NAV2: variants seen among roughly 807,000 people sequenced by gnomAD.
NAV2 encodes helicase, APC down-regulated 1.
NAV2 carries 54 observed loss-of-function variants against 223.2 expected under a neutral mutation model. The ratio of observed to expected loss-of-function variants is 0.24; its 90% CI spans 0.19 to 0.30. The LOEUF (loss-of-function observed/expected upper bound fraction) is 0.30, where lower values mean the gene tolerates loss of function less well. Among genes scored for constraint, NAV2 ranks in the 10% least tolerant of loss-of-function variants. The pLI is 1.00. For missense variants in NAV2, 2,806 were observed against 3,147.5 expected, an observed-to-expected ratio of 0.89 and a Z score of 2.60; for synonymous variants, 1,279 against 1,239.3, an observed-to-expected ratio of 1.03 and a Z score of -0.67.
chr11:20,063,618 G>A (rs1024218075), intron 20 of NAV2, among the ~76,000 whole-genome samples: 8 of 151,984 alleles, frequency 5.3e-5, no homozygotes, highest in Admixed American at 2.0e-4. Context: ...CAAGTGATCC[G>A]CCCATCTCAG....
chr11:19,737,785 T>C (rs923007042), intron 1 of NAV2, among the ~76,000 whole-genome samples: 1 of 152,186 alleles, frequency 6.6e-6, no homozygotes, highest in African/African-American at 2.4e-5. Context: ...CTATTACTAG[T>C]TATTATCTGA....
At chr11:19,689,927 G>A (rs559875271) in intron 1 of NAV2, among the ~76,000 whole-genome samples, 25 of 152,174 alleles carry the variant, frequency 1.6e-4, no homozygotes, top group Non-Finnish European at 3.1e-4. Context: ...AGAACCTAGA[G>A]TTTGGCCTTA....
intron 11 of NAV2, among the ~76,000 whole-genome samples, chr11:19,986,618 G>C (rs1437604215): frequency 6.6e-6 from 1 of 152,190 alleles, no homozygotes; most frequent in Non-Finnish European, 1.5e-5. Flanking sequence ...AACAGAGTGA[G>C]ACTCAGTCTC....
chr11:19,471,723 A>G (rs1233151199), intron 1 of NAV2, among the ~76,000 whole-genome samples: 1 of 152,224 alleles, frequency 6.6e-6, no homozygotes, highest in East Asian at 1.9e-4. Flanking sequence ...ACCAGCAAAC[A>G]GTAAGTATGA....
intron 10 of NAV2, among the ~76,000 whole-genome samples, chr11:19,954,763 A>G (rs1319897592): frequency 6.6e-6 from 1 of 151,896 alleles, no homozygotes; most frequent in African/African-American, 2.4e-5. Context: ...ACCTTTCTGT[A>G]TGCTTCCTTG....
intron 29 of NAV2, among the ~76,000 whole-genome samples, chr11:20,094,538 T>C (rs1383719410): frequency 2.6e-5 from 4 of 152,160 alleles, no homozygotes; most frequent in Non-Finnish European, 4.4e-5. Context: ...GGGAAACTCA[T>C]TCTTACAGTA....
chr11:19,998,576 C>A lies in NAV2; in HGVS notation c.2768+14329C>A, dbSNP rs2153479349. On this transcript the variant is annotated intron_variant, in intron 11 of 37. Coordinates refer to ENST00000349880, the MANE Select transcript of NAV2 (RefSeq NM_145117.5). The surrounding 1 kb of genome is among the most constrained non-coding windows in gnomAD (Gnocchi z 5.0). ...GGGTGTGTGTTCTGGCCCCTGCGCA[C>A]CTCTCCAGCCTCACCTCATCACGCT... is the stretch of plus-strand genomic sequence containing the variant. Among the ~76,000 whole-genome samples, 1 of 152,236 alleles carries A rather than the reference C, an allele frequency of 6.6e-6. No individual in the cohort carries two copies. The highest frequency in any genetic ancestry group is 2.4e-5 in the African/African-American group (1 of 41,524).
intron 1 of NAV2, among the ~76,000 whole-genome samples, chr11:19,556,274 G>A (rs1319871832): frequency 6.6e-6 from 1 of 152,220 alleles, no homozygotes; most frequent in Admixed American, 6.5e-5. Flanking sequence ...GTGAATTATG[G>A]TGCATCAACA....
At chr11:19,486,706 T>C (rs2042457612) in intron 1 of NAV2, among the ~76,000 whole-genome samples, 1 of 152,166 alleles carries the variant, frequency 6.6e-6, no homozygotes, top group Non-Finnish European at 1.5e-5. Flanking sequence ...AATTACCTAG[T>C]CTTGGGTAGT....
intron 4 of NAV2, among the ~76,000 whole-genome samples, chr11:19,875,052 G>C (rs778969816): frequency 6.6e-6 from 1 of 152,162 alleles, no homozygotes; most frequent in African/African-American, 2.4e-5. Flanking sequence ...AGCTACTCAG[G>C]AGGCTGACTC....
chr11:19,384,182 C>T lies in NAV2; in HGVS notation c.75+33155C>T, dbSNP rs115645253. 3.3e-3 allele frequency among the ~76,000 whole-genome samples: 506 copies of T among 152,102 alleles called. 6 individuals carry two copies. The highest frequency in any genetic ancestry group is 0.014 in the Middle Eastern group (4 of 294). On this transcript the variant is annotated intron_variant, in intron 1 of 37. Coordinates refer to the NAV2 transcript ENST00000360655. ...ACATTTTTAAAAATAGAGACAAAAA[C>T]GTATATATGCAGAAAGAAGAGACTA...
intron 25 of NAV2, among the ~76,000 whole-genome samples, chr11:20,080,536 T>G (rs2060025065): frequency 6.7e-6 from 1 of 148,514 alleles, no homozygotes; most frequent in South Asian, 2.2e-4. Context: ...TAGAGGAAAG[T>G]TATTCTTAAA....
At chr11:20,001,900 T>A (rs2052589449) in intron 11 of NAV2, among the ~76,000 whole-genome samples, 1 of 152,108 alleles carries the variant, frequency 6.6e-6, no homozygotes, top group Non-Finnish European at 1.5e-5. Flanking sequence ...TGTGGGGGTG[T>A]GGCTGTCCCA....
At chr11:19,891,576 G>C (rs959680579) in intron 5 of NAV2, among the ~76,000 whole-genome samples, 1 of 152,196 alleles carries the variant, frequency 6.6e-6, no homozygotes, top group Non-Finnish European at 1.5e-5. Context: ...AATATATGAT[G>C]TTATCCATCT....
chr11:19,436,538 G>T (rs1384099384), intron 1 of NAV2, among the ~76,000 whole-genome samples: 1 of 151,388 alleles, frequency 6.6e-6, no homozygotes, highest in Non-Finnish European at 1.5e-5. Flanking sequence ...TTTTTCCTTT[G>T]GTCAATATTG....
chr11:20,002,958 AACACCCAGTG>A (rs1326308052), intron 11 of NAV2, among the ~76,000 whole-genome samples: 1 of 152,158 alleles, frequency 6.6e-6, no homozygotes, highest in Non-Finnish European at 1.5e-5. Flanking sequence ...ACACTACACA[AACACCCAGTG>A]ACCAGATTAC....
intron 11 of NAV2, among the ~76,000 whole-genome samples, chr11:19,986,889 T>C (rs2050841458): frequency 6.6e-6 from 1 of 152,368 alleles, no homozygotes; most frequent in Admixed American, 6.5e-5. Context: ...TAAAATTCTT[T>C]ATGTAAATCG....
chr11:20,023,205 C>A, intron 11 of NAV2: 1 of 1,349,494 alleles, frequency 7.4e-7, no homozygotes, highest in Non-Finnish European at 1.0e-6. Context: ...CTTCCTTGGC[C>A]GGTATTGAAA....
intron 6 of NAV2, among the ~76,000 whole-genome samples, chr11:19,902,733 A>G (rs2042552951): frequency 6.6e-6 from 1 of 152,144 alleles, no homozygotes; most frequent in African/African-American, 2.4e-5. Flanking sequence ...CATAATAGTC[A>G]TTTTTATCAA....
Sources: allele counts gnomAD v4.1 joint callset (sites outside exome capture counted in the v4.1 genomes callset), GRCh38; gene constraint gnomAD v4.1.1; non-coding constraint Gnocchi (gnomAD v3.1); transcripts MANE v1.5; gene names NCBI Gene and HGNC (gene_info 2026-07-23, HGNC 2026-07-21).